The following RNF150 variants were observed in gnomAD, a reference collection of about 807,000 sequenced individuals.
RNF150 encodes ring finger protein 150.
Under a neutral mutation model 39.3 loss-of-function variants are expected in RNF150, and 24 were observed. The observed-to-expected ratio is 0.61, with a 90% CI of 0.44 to 0.86. The LOEUF (loss-of-function observed/expected upper bound fraction) is 0.86, where lower values mean the gene tolerates loss of function less well. RNF150 is among the 40% of genes least tolerant of loss of function. The probability of loss-of-function intolerance (pLI) is 0.00; values close to 1 mark genes in which losing one functional copy is unlikely to be tolerated. For synonymous variants in RNF150, 255 were observed against 227.3 expected (o/e 1.12, Z -1.10); for missense variants, 502 against 587.8 (o/e 0.85, Z 1.51).
intron 1 of RNF150, among the ~76,000 whole-genome samples, chr4:141,109,621 C>G (rs937037437): frequency 1.3e-5 from 2 of 152,014 alleles, no homozygotes; most frequent in Non-Finnish European, 2.9e-5. Context: ...GAAGGGAAGA[C>G]AGTATACGGC....
chr4:141,077,439 TG>T (rs1388921987), intron 1 of RNF150, among the ~76,000 whole-genome samples: 11 of 152,234 alleles, frequency 7.2e-5, no homozygotes, highest in African/African-American at 2.7e-4. Context: ...TTGGGGCTGA[TG>T]GAACTGTTCT....
chr4:141,043,974 T>C (rs1736464346), intron 1 of RNF150, among the ~76,000 whole-genome samples: 1 of 152,202 alleles, frequency 6.6e-6, no homozygotes, highest in Non-Finnish European at 1.5e-5. Flanking sequence ...GTTCTTTATA[T>C]ACATTGTCTC....
At chr4:140,904,442 T>C (rs1730303442) in intron 6 of RNF150, among the ~76,000 whole-genome samples, 1 of 152,208 alleles carries the variant, frequency 6.6e-6, no homozygotes, top group Non-Finnish European at 1.5e-5. Context: ...AGGGAGATCA[T>C]TCTCCTGGTT....
chr4:140,900,945 G>A (rs932607146), intron 6 of RNF150, among the ~76,000 whole-genome samples: 1 of 152,130 alleles, frequency 6.6e-6, no homozygotes, highest in Admixed American at 6.6e-5. Context: ...ATTGGTGACA[G>A]CTAGTAAGTA....
At chr4:141,109,624 T>C (rs1739323003) in intron 1 of RNF150, among the ~76,000 whole-genome samples, 1 of 152,074 alleles carries the variant, frequency 6.6e-6, no homozygotes, top group Admixed American at 6.6e-5. Context: ...GGGAAGACAG[T>C]ATACGGCAGA....
At chr4:141,168,032 G>A (rs1727632646) in intron 1 of RNF150, among the ~76,000 whole-genome samples, 2 of 152,064 alleles carry the variant, frequency 1.3e-5, no homozygotes, top group African/African-American at 4.8e-5. Flanking sequence ...GAAAATTATT[G>A]CAATCTACCC....
At chr4:140,912,039 A>C (rs528571632) in intron 5 of RNF150, among the ~76,000 whole-genome samples, 57 of 152,334 alleles carry the variant, frequency 3.7e-4, no homozygotes, top group African/African-American at 1.3e-3. Context: ...TTGCCCATTG[A>C]TTACAGGACG....
intron 1 of RNF150, among the ~76,000 whole-genome samples, chr4:141,124,264 T>C (rs1474790331): frequency 6.6e-6 from 1 of 152,232 alleles, no homozygotes; most frequent in Non-Finnish European, 1.5e-5. Context: ...CTCTGACACC[T>C]CACCTGGCCC....
At chr4:141,014,635 T>C (rs1735197278) in intron 1 of RNF150, among the ~76,000 whole-genome samples, 1 of 75,154 alleles carries the variant, frequency 1.3e-5, no homozygotes, top group Non-Finnish European at 4.3e-5. Context: ...CATTTGCAAC[T>C]CTTCTTTTGA....
chr4:140,910,210 A>G (rs1466508991), intron 6 of RNF150, among the ~76,000 whole-genome samples: 1 of 152,222 alleles, frequency 6.6e-6, no homozygotes, highest in Admixed American at 6.5e-5. Flanking sequence ...TTCAAAGAAA[A>G]TACCCTCAAA....
At chr4:140,958,342 C>T (rs749924660) in intron 2 of RNF150, among the ~76,000 whole-genome samples, 2 of 152,006 alleles carry the variant, frequency 1.3e-5, no homozygotes, top group Non-Finnish European at 2.9e-5. Context: ...AAAGGGCCAG[C>T]GCTCAGTGTT....
chr4:141,209,834 C>A (rs565126507), intron 1 of RNF150, among the ~76,000 whole-genome samples: 26 of 151,996 alleles, frequency 1.7e-4, no homozygotes, highest in Non-Finnish European at 3.4e-4. Flanking sequence ...AGCAAGACCC[C>A]ATCCCTAAAA....
chr4:141,149,177 A>G (rs1161592490), intron 1 of RNF150, among the ~76,000 whole-genome samples: 1 of 152,216 alleles, frequency 6.6e-6, no homozygotes, highest in Non-Finnish European at 1.5e-5. Context: ...CATATTAATT[A>G]TCAGTTGGGT....
intron 1 of RNF150, among the ~76,000 whole-genome samples, chr4:140,982,820 G>C (rs1236352878): frequency 6.6e-6 from 1 of 152,094 alleles, no homozygotes; most frequent in African/African-American, 2.4e-5. Context: ...GCACATCCCA[G>C]CGGTGATTCT....
intron 1 of RNF150, among the ~76,000 whole-genome samples, chr4:141,078,808 AATAT>A (rs137912691): frequency 0.028 from 2,214 of 79,420 alleles, 108 homozygotes; most frequent in Middle Eastern, 0.062. Flanking sequence ...AAAAAAAAAA[AATAT>A]ATATATATAT....
chr4:141,038,408 G>A (rs1736228670), intron 1 of RNF150, among the ~76,000 whole-genome samples: 1 of 152,198 alleles, frequency 6.6e-6, no homozygotes, highest in African/African-American at 2.4e-5. Context: ...AAAGAATCTC[G>A]ACCGGGCATG....
At chr4:140,918,262 T>C (rs1730932712) in intron 5 of RNF150, among the ~76,000 whole-genome samples, 1 of 152,132 alleles carries the variant, frequency 6.6e-6, no homozygotes, top group Non-Finnish European at 1.5e-5. Context: ...AGCTGGTTTC[T>C]TGAAAACATC....
chr4:141,035,245 G>C (rs544300404), intron 1 of RNF150, among the ~76,000 whole-genome samples: 1 of 152,280 alleles, frequency 6.6e-6, no homozygotes, highest in South Asian at 2.1e-4. Context: ...TTCTGGGTCT[G>C]AGGAATGCAT....
chr4:140,946,763 C>T (rs1429690633), intron 4 of RNF150, among the ~76,000 whole-genome samples: 1 of 152,084 alleles, frequency 6.6e-6, no homozygotes, highest in Admixed American at 6.6e-5. Context: ...GTCTTGGACT[C>T]CCAAAGCATT....
Sources: gnomAD v4.1 joint callset for allele counts (sites outside exome capture counted in the v4.1 genomes callset) on GRCh38, gnomAD v4.1.1 for gene constraint, MANE v1.5 for transcripts, NCBI Gene and HGNC (gene_info 2026-07-23, HGNC 2026-07-21) for gene names.